HHLA2: variants seen among roughly 807,000 people sequenced by gnomAD.
The protein encoded by HHLA2 is HERV-H LTR-associating protein 2.
A neutral mutation model predicts 45.9 loss-of-function variants in HHLA2; 48 were observed. The observed-to-expected ratio is 1.05, with a 90% confidence interval of 0.83 to 1.33. The LOEUF (loss-of-function observed/expected upper bound fraction) is 1.33, where lower values mean the gene tolerates loss of function less well. Ranked by LOEUF, HHLA2 falls within the 40% of genes most tolerant of loss-of-function variation. The pLI, the probability that HHLA2 is intolerant of heterozygous loss-of-function variation, is 0.00. For synonymous variants in HHLA2, 161 were observed against 173.9 expected, an observed-to-expected ratio of 0.93 and a Z score of 0.59; for missense variants, 462 against 494.3, an observed-to-expected ratio of 0.93 and a Z score of 0.62.
At chr3:108,372,800 G>C (rs1474240230) in intron 8 of HHLA2, among the ~76,000 whole-genome samples, 2 of 152,172 alleles carry the variant, frequency 1.3e-5, no homozygotes, top group African/African-American at 2.4e-5. Context: ...TCTCTGAATA[G>C]ACCAATAACA....
At chr3:108,355,209 G>T (rs1202657070) in exon 6 of HHLA2, 6 of 1,613,788 alleles carry the variant, frequency 3.7e-6, no homozygotes, top group Non-Finnish European at 5.1e-6. Context: ...CAATTATCAC[G>T]TGGAAAATGG....
At chr3:108,320,230 G>A (rs1411873734) in intron 2 of HHLA2, among the ~76,000 whole-genome samples, 1 of 152,178 alleles carries the variant, frequency 6.6e-6, no homozygotes, top group African/African-American at 2.4e-5. Context: ...AGTCAGCCAG[G>A]AAGTTTGTTC....
At chr3:108,352,430 A>C (rs919317399) in intron 4 of HHLA2, among the ~76,000 whole-genome samples, 4 of 152,188 alleles carry the variant, frequency 2.6e-5, no homozygotes, top group Non-Finnish European at 4.4e-5. Flanking sequence ...GGGAAGGTAG[A>C]GGATAAAGAC....
chr3:108,323,028 A>G (rs1031807930), intron 2 of HHLA2, among the ~76,000 whole-genome samples: 6 of 151,486 alleles, frequency 4.0e-5, no homozygotes, highest in Non-Finnish European at 8.8e-5. Context: ...TCTAGTTTCC[A>G]AATTTTTGCT....
chr3:108,351,310 G>T (rs1255506538), intron 3 of HHLA2, among the ~76,000 whole-genome samples: 3 of 152,110 alleles, frequency 2.0e-5, no homozygotes, highest in African/African-American at 7.2e-5. Context: ...TACACCACTG[G>T]CACTTAATAT....
chr3:108,318,583 TC>T (rs1302897870), intron 2 of HHLA2, among the ~76,000 whole-genome samples: 2 of 152,188 alleles, frequency 1.3e-5, no homozygotes, highest in East Asian at 3.8e-4. Context: ...ATTTTCCTTT[TC>T]CCCCAACATC....
chr3:108,330,365 A>G (rs1428275105), intron 3 of HHLA2, among the ~76,000 whole-genome samples: 1 of 152,104 alleles, frequency 6.6e-6, no homozygotes, highest in Non-Finnish European at 1.5e-5. Context: ...TGTACACACT[A>G]TGTAATTCTC....
At chr3:108,306,303 T>C (rs570761921) in intron 1 of HHLA2, among the ~76,000 whole-genome samples, 1 of 152,348 alleles carries the variant, frequency 6.6e-6, no homozygotes, top group Non-Finnish European at 1.5e-5. Flanking sequence ...ATTAGCACAG[T>C]CATAATACAT....
chr3:108,329,865 A>G (rs2081354414), intron 3 of HHLA2, among the ~76,000 whole-genome samples: 1 of 152,226 alleles, frequency 6.6e-6, no homozygotes. Context: ...AAAAATTAGC[A>G]TCTTAAGACA....
At chr3:108,345,390 C>T (rs898110857) in intron 3 of HHLA2, among the ~76,000 whole-genome samples, 15 of 152,196 alleles carry the variant, frequency 9.9e-5, no homozygotes, top group Non-Finnish European at 2.2e-4. Flanking sequence ...TTGATAAAAG[C>T]AGTAAAAGGG....
rs541551489 is a variant in HHLA2 at position 108,353,471 on chromosome 3, C to T, written c.109C>T (p.Gln37Ter). Reference sequence around the variant, plus strand: ...CTTCATTTATGTTCCTATGAATGAACAAATCGTCATTGGAAGACTTGATGA... The same window carrying T: ...CTTCATTTATGTTCCTATGAATGAATAAATCGTCATTGGAAGACTTGATGA... Residue 37 changes from glutamine (Q) to a stop codon, truncating the protein, a stop_gained, in exon 5 of 11, where the codon CAA becomes TAA. Transcript: ENST00000619531. LOFTEE classifies it high-confidence loss of function. The T allele has an allele frequency of 1.2e-6, 2 of 1,600,186 alleles. No homozygotes were observed. The highest frequency in any genetic ancestry group is 1.7e-5 in the Admixed American group (1 of 57,760).
intron 3 of HHLA2, among the ~76,000 whole-genome samples, chr3:108,345,746 A>G (rs1169866155): frequency 6.6e-6 from 1 of 152,168 alleles, no homozygotes; most frequent in African/African-American, 2.4e-5. Flanking sequence ...ACAAAGCATC[A>G]TACAGTTAAA....
chr3:108,376,343 C>T, intron 9 of HHLA2, 150 bp from the exon 9 acceptor site: 2 of 591,400 alleles, frequency 3.4e-6, no homozygotes, highest in Non-Finnish European at 5.8e-6. Context: ...TGTTTTTACA[C>T]TGAATGCATT....
chr3:108,326,354 G>GAAAGGCACATCATACATGGCAGCAAGCA (rs2081288596), intron 2 of HHLA2: 1 of 154,280 alleles, frequency 6.5e-6, no homozygotes, highest in Admixed American at 6.5e-5. Flanking sequence ...GGCAGAAAGT[G>GAAAGGCACATCATACATGGCAGCAAGCA]AAAGGCACAT....
At chr3:108,310,899 C>A (rs2081007495) in intron 2 of HHLA2, among the ~76,000 whole-genome samples, 158 bp downstream of exon 2, 1 of 152,122 alleles carries the variant, frequency 6.6e-6, no homozygotes, top group East Asian at 1.9e-4. Context: ...AATACTATTT[C>A]TTGCACAAGA....
chr3:108,352,255 G>A (rs1251310062), intron 4 of HHLA2, among the ~76,000 whole-genome samples: 1 of 152,096 alleles, frequency 6.6e-6, no homozygotes, highest in African/African-American at 2.4e-5. Context: ...AACATTAGAG[G>A]GGTTTAGCAG....
chr3:108,321,171 C>T (rs1369560638), intron 2 of HHLA2, among the ~76,000 whole-genome samples: 1 of 147,426 alleles, frequency 6.8e-6, no homozygotes, highest in Admixed American at 6.8e-5. Context: ...TCCATTTAGA[C>T]TCACTCCTCT....
intron 3 of HHLA2, among the ~76,000 whole-genome samples, chr3:108,346,512 T>G (rs139988832): frequency 0.013 from 1,992 of 152,246 alleles, 38 homozygotes; most frequent in African/African-American, 0.043. Flanking sequence ...CTGCTTTTCC[T>G]CAAAGGAGTG....
At chr3:108,324,909 A>G (rs896165838) in intron 2 of HHLA2, among the ~76,000 whole-genome samples, 3 of 152,140 alleles carry the variant, frequency 2.0e-5, no homozygotes, top group African/African-American at 7.2e-5. Context: ...TGAACCACCA[A>G]ATTATGATAT....
Sources: gnomAD v4.1 joint callset for allele counts (sites outside exome capture counted in the v4.1 genomes callset) on GRCh38, gnomAD v4.1.1 for gene constraint, MANE v1.5 for transcripts, NCBI Gene and HGNC (gene_info 2026-07-23, HGNC 2026-07-21) for gene names.